The following TPD52 variants were observed in gnomAD, a reference collection of about 807,000 sequenced individuals.
TPD52 encodes the protein prostate and colon associated protein.
Under a neutral mutation model 31.3 loss-of-function variants are expected in TPD52, and 17 were observed. The ratio of observed to expected loss-of-function variants is 0.54; its 90% confidence interval spans 0.37 to 0.82. TPD52 has a LOEUF of 0.82. Ranked by LOEUF, TPD52 falls within the 40% of genes least tolerant of loss-of-function variation. The pLI is 0.00. For synonymous variants in TPD52, 83 were observed against 89.6 expected, an observed-to-expected ratio of 0.93 and a Z score of 0.42; for missense variants, 212 against 240.1, an observed-to-expected ratio of 0.88 and a Z score of 0.77.
intron 1 of TPD52, among the ~76,000 whole-genome samples, chr8:80,131,809 T>C (rs1809037339): frequency 6.6e-6 from 1 of 152,116 alleles, no homozygotes; most frequent in African/African-American, 2.4e-5. Context: ...CGTAAAACTA[T>C]TAATAGATGT....
chr8:80,152,919 G>T (rs909343092), intron 1 of TPD52, among the ~76,000 whole-genome samples: 1 of 152,134 alleles, frequency 6.6e-6, no homozygotes, highest in Non-Finnish European at 1.5e-5. Context: ...ACTTGACGGG[G>T]TGTGTGCTGG....
At chr8:80,119,259 G>A (rs867833823) in intron 1 of TPD52, among the ~76,000 whole-genome samples, 1 of 152,156 alleles carries the variant, frequency 6.6e-6, no homozygotes, top group Admixed American at 6.6e-5. Flanking sequence ...AGGGCTGGGA[G>A]TAAGGAAGTG....
chr8:80,054,342 G>T (rs1413470856), intron 2 of TPD52, among the ~76,000 whole-genome samples: 1 of 152,094 alleles, frequency 6.6e-6, no homozygotes, highest in Non-Finnish European at 1.5e-5. Flanking sequence ...AGGAAAAAAT[G>T]GACAGAGTAG....
intron 1 of TPD52, chr8:80,080,784 G>A (rs1815185978): frequency 9.7e-7 from 1 of 1,027,894 alleles, no homozygotes; most frequent in Non-Finnish European, 1.2e-6. Flanking sequence ...GCAGGGTTCT[G>A]CAATATGGCC....
At chr8:80,119,116 CATGG>C (rs1808066165) in intron 1 of TPD52, among the ~76,000 whole-genome samples, 1 of 152,124 alleles carries the variant, frequency 6.6e-6, no homozygotes, top group African/African-American at 2.4e-5. Flanking sequence ...GATGCTACTC[CATGG>C]ATGAACCCTG....
intron 1 of TPD52, among the ~76,000 whole-genome samples, chr8:80,131,188 A>G (rs184413934): frequency 5.3e-5 from 8 of 152,268 alleles, no homozygotes; most frequent in African/African-American, 1.9e-4. Context: ...TGAGATCAGG[A>G]GAAAAAAATC....
chr8:80,131,918 G>A (rs1019949509), intron 1 of TPD52, among the ~76,000 whole-genome samples: 8 of 149,100 alleles, frequency 5.4e-5, no homozygotes, highest in Admixed American at 4.6e-4. Flanking sequence ...AACTAGGGAT[G>A]CAAACCCAAC....
intron 1 of TPD52, among the ~76,000 whole-genome samples, chr8:80,086,363 C>A (rs937781072): frequency 4.6e-5 from 7 of 151,580 alleles, no homozygotes; most frequent in Non-Finnish European, 1.0e-4. Flanking sequence ...GTGATCCACC[C>A]GCCTCGGTCC....
chr8:80,051,891 T>C (rs1436202205), intron 3 of TPD52: 2 of 363,234 alleles, frequency 5.5e-6, no homozygotes, highest in African/African-American at 4.2e-5. Context: ...GCCAAAGAAG[T>C]CAAGGTAAGG....
chr8:80,134,061 G>C (rs1476501623), intron 1 of TPD52, among the ~76,000 whole-genome samples: 1 of 152,174 alleles, frequency 6.6e-6, no homozygotes, highest in East Asian at 1.9e-4. Context: ...GGCAGACACG[G>C]TGATTCTAAT....
rs144335855 is a variant in TPD52, at chr8:80,151,560, T to C, written c.19+19865A>G. Reference sequence around the variant, plus strand: ...TCATATTGAAACTTTAAAGAAGCAGTAGATCCCCAAAAAAAGATCAGTTTT... The same window carrying C: ...TCATATTGAAACTTTAAAGAAGCAGCAGATCCCCAAAAAAAGATCAGTTTT... On this transcript the variant is annotated intron_variant, in intron 1 of 7. Coordinates refer to ENST00000518937, the MANE Select transcript of TPD52 (RefSeq NM_001025253.3). Among the ~76,000 whole-genome samples, 20 of 152,312 alleles carry C rather than the reference T, an allele frequency of 1.3e-4. No individual in the cohort carries two copies. In the East Asian group the frequency reaches 2.5e-3, roughly 19 times the overall value.
At chr8:80,093,546 G>T (rs1283949892) in intron 1 of TPD52, among the ~76,000 whole-genome samples, 1 of 152,066 alleles carries the variant, frequency 6.6e-6, no homozygotes, top group Admixed American at 6.6e-5. Context: ...GAGAACAGTA[G>T]GCACTTATTT....
chr8:80,032,851 A>AG (rs930395774), downstream of TPD52: 2 of 152,372 alleles, frequency 1.3e-5, no homozygotes, highest in Non-Finnish European at 2.9e-5. Flanking sequence ...CATGGCCTGC[A>AG]GCGCCTCTGC....
At chr8:80,059,101 C>T (rs1414775310) in intron 2 of TPD52, among the ~76,000 whole-genome samples, 1 of 152,064 alleles carries the variant, frequency 6.6e-6, no homozygotes, top group Non-Finnish European at 1.5e-5. Flanking sequence ...TAAAGTCATA[C>T]AAAGCACCTT....
At position 80,037,749 on chromosome 8, in the gene TPD52, G is replaced by A. The variant is rs568136248; in HGVS notation, c.*367C>T. 1.5e-3 allele frequency: 247 copies of A among 162,488 alleles called. No individual in the cohort carries two copies. The highest frequency in any genetic ancestry group is 2.9e-3 in the Non-Finnish European group (216 of 75,072). 10.1% of individuals were successfully genotyped at this position (162,488 alleles called of 1,614,324 possible). On this transcript the variant is annotated 3_prime_UTR_variant, in exon 8 of 8. Coordinates refer to ENST00000518937, the MANE Select transcript of TPD52 (RefSeq NM_001025253.3). ...AGAGATTCAAAGAGGGGAAAAAAAG[G>A]AAATATTATAGAAGACAAAGGTCAA... is the stretch of plus-strand genomic sequence containing the variant.
At chr8:80,124,513 A>G (rs190833752) in intron 1 of TPD52, among the ~76,000 whole-genome samples, 45 of 152,288 alleles carry the variant, frequency 3.0e-4, no homozygotes, top group African/African-American at 1.0e-3. Context: ...CTTAGTCTGG[A>G]CCTAGACATC....
chr8:80,140,818 G>T (rs1193606397), intron 1 of TPD52, among the ~76,000 whole-genome samples: 2 of 152,112 alleles, frequency 1.3e-5, no homozygotes, highest in Non-Finnish European at 2.9e-5. Context: ...GAAAACGATG[G>T]GGAAACACTA....
intron 1 of TPD52, among the ~76,000 whole-genome samples, chr8:80,091,885 C>T (rs891820316): frequency 4.6e-5 from 7 of 152,226 alleles, no homozygotes; most frequent in Admixed American, 1.3e-4. Context: ...CTTTAGATAA[C>T]AGCTGCTAAG....
At chr8:80,050,875 A>C (rs1811306353) in intron 4 of TPD52, among the ~76,000 whole-genome samples, 1 of 152,170 alleles carries the variant, frequency 6.6e-6, no homozygotes, top group Admixed American at 6.5e-5. Flanking sequence ...ACAGAAGCAC[A>C]GCTGACTTAA....
Sources: gnomAD v4.1 joint callset for allele counts (sites outside exome capture counted in the v4.1 genomes callset) on GRCh38, gnomAD v4.1.1 for gene constraint, MANE v1.5 for transcripts, NCBI Gene and HGNC (gene_info 2026-07-23, HGNC 2026-07-21) for gene names.